The following ZNF804B variants were observed in gnomAD, a reference collection of about 807,000 sequenced individuals.
ZNF804B encodes zinc finger 804B.
In ZNF804B, 80 loss-of-function variants were observed where a neutral mutation model predicts 101.4. The observed-to-expected ratio is 0.79, with a 90% CI of 0.66 to 0.95. The LOEUF (loss-of-function observed/expected upper bound fraction) is 0.95, where lower values mean the gene tolerates loss of function less well. Among genes scored for constraint, ZNF804B ranks in the 40% least tolerant of loss-of-function variants. ZNF804B has a pLI of 0.00. For synonymous variants in ZNF804B, 622 were observed against 558.8 expected (o/e 1.11, Z -1.59); for missense variants, 1,673 against 1,561.9 (o/e 1.07, Z -1.20).
intron 1 of ZNF804B, among the ~76,000 whole-genome samples, chr7:88,999,647 AT>A (rs1788255581): frequency 6.6e-6 from 1 of 152,022 alleles, no homozygotes; most frequent in South Asian, 2.1e-4. Flanking sequence ...GTAATTTGAA[AT>A]TTAAAATAGC....
intron 2 of ZNF804B, among the ~76,000 whole-genome samples, chr7:89,228,053 G>C (rs1400542931): frequency 6.6e-6 from 1 of 152,162 alleles, no homozygotes; most frequent in Non-Finnish European, 1.5e-5. Flanking sequence ...CAAGAATGAA[G>C]CTGCAGACCC....
chr7:89,136,720 T>C (rs192461377), intron 1 of ZNF804B, among the ~76,000 whole-genome samples: 6 of 143,770 alleles, frequency 4.2e-5, no homozygotes, highest in Admixed American at 3.5e-4. Flanking sequence ...GGCTGAATTA[T>C]ATTTGTGTGT....
chr7:89,087,240 A>C (rs1369261628), intron 1 of ZNF804B, among the ~76,000 whole-genome samples: 2 of 151,902 alleles, frequency 1.3e-5, no homozygotes, highest in African/African-American at 4.8e-5. Context: ...TAAGACAAAC[A>C]GTGATCATTT....
intron 2 of ZNF804B, among the ~76,000 whole-genome samples, chr7:89,241,201 C>T (rs1382511583): frequency 6.6e-6 from 1 of 152,126 alleles, no homozygotes; most frequent in Non-Finnish European, 1.5e-5. Context: ...AAATCCCTAA[C>T]AAATAACCCT....
intron 1 of ZNF804B, chr7:88,794,980 T>C (rs1215709758): frequency 6.6e-7 from 1 of 1,505,766 alleles, no homozygotes; most frequent in Admixed American, 2.4e-5. Context: ...ATTCCAGCTT[T>C]TAGCTTATCA....
Position 89,336,766 on chromosome 7 carries a change from T to G in ZNF804B, c.3784T>G (p.Phe1262Val), listed in dbSNP as rs757282640. The change falls in exon 4 of 4, where the codon TTC becomes GTC. Residue 1262 changes from phenylalanine (F) to valine (V), a missense_variant. Phe to Val is a conservative substitution (Grantham distance 50). Coordinates refer to ENST00000333190, the MANE Select transcript of ZNF804B (RefSeq NM_181646.5). ...AACCATTATCCCTGCACACCCCACT[T>G]TCTTAGCAGGTCATCCCCTGCATTT... Reference protein sequence around the residue: ...TPTIIPAHPTFLAGHPLHLVA... With the variant: ...TPTIIPAHPTVLAGHPLHLVA... 4.3e-6 allele frequency: 7 copies of G among 1,613,990 alleles called. No individual in the cohort carries two copies. In the African/African-American group the frequency reaches 9.3e-5, roughly 22 times the overall value.
chr7:88,790,696 A>T (rs539763248), intron 1 of ZNF804B, among the ~76,000 whole-genome samples: 33 of 152,174 alleles, frequency 2.2e-4, no homozygotes, highest in South Asian at 8.3e-4. Context: ...TCTATCACTG[A>T]TGGGCATTTG....
At chr7:89,196,892 A>T (rs1271634836) in intron 1 of ZNF804B, among the ~76,000 whole-genome samples, 1 of 152,038 alleles carries the variant, frequency 6.6e-6, no homozygotes, top group Non-Finnish European at 1.5e-5. Flanking sequence ...GATCATTATA[A>T]AAATGCAGAT....
At chr7:88,962,701 A>T in intron 1 of ZNF804B, among the ~76,000 whole-genome samples, 1 of 118,636 alleles carries the variant, frequency 8.4e-6, no homozygotes, top group Admixed American at 9.7e-5. Context: ...AAATGTTGTT[A>T]AACTCACATA....
chr7:89,193,357 A>G (rs941483131), intron 1 of ZNF804B, among the ~76,000 whole-genome samples: 1 of 150,850 alleles, frequency 6.6e-6, no homozygotes, highest in African/African-American at 2.4e-5. Context: ...ACGTGTGCAC[A>G]ATGTGCAGGT....
At chr7:89,075,397 G>C (rs1298243591) in intron 1 of ZNF804B, among the ~76,000 whole-genome samples, 2 of 152,142 alleles carry the variant, frequency 1.3e-5, no homozygotes, top group African/African-American at 4.8e-5. Context: ...ATGACTAAAA[G>C]GGGCCCAGGT....
chr7:88,857,893 G>A (rs957526473), intron 1 of ZNF804B, among the ~76,000 whole-genome samples: 8 of 120,682 alleles, frequency 6.6e-5, no homozygotes, highest in African/African-American at 9.8e-5. Flanking sequence ...ACACAATCTC[G>A]GCTCACTGCA....
intron 3 of ZNF804B, 120 bp downstream of exon 3, chr7:89,327,594 G>C: frequency 1.5e-6 from 2 of 1,306,176 alleles, no homozygotes; most frequent in Non-Finnish European, 2.1e-6. Context: ...TATGTCTGAA[G>C]GGCAAATATA....
chr7:89,154,533 A>G (rs1307419161), intron 1 of ZNF804B, among the ~76,000 whole-genome samples: 2 of 152,190 alleles, frequency 1.3e-5, no homozygotes, highest in Non-Finnish European at 2.9e-5. Context: ...TCAGCCATAA[A>G]AAACAATGAG....
chr7:89,314,357 G>T (rs566555694), intron 2 of ZNF804B, among the ~76,000 whole-genome samples: 18 of 151,666 alleles, frequency 1.2e-4, no homozygotes, highest in African/African-American at 4.4e-4. Flanking sequence ...CCTTTTTTTC[G>T]ACTTCTCCTT....
chr7:89,124,092 A>G (rs1160162764), intron 1 of ZNF804B, among the ~76,000 whole-genome samples: 4 of 152,128 alleles, frequency 2.6e-5, no homozygotes, highest in Non-Finnish European at 2.9e-5. Flanking sequence ...TACCAGGAGG[A>G]TATGTCATGT....
Position 88,920,973 on chromosome 7 carries a change from A to T in ZNF804B, c.108+160889A>T, listed in dbSNP as rs575165200. ...AGTGGTATGGATAGCAAGAGTTGTG[A>T]TATCATGGAAAAGATCTGAACTAGA... On this transcript the variant is annotated intron_variant, in intron 1 of 3. Transcript: ENST00000333190. Among the ~76,000 whole-genome samples, 8 of 152,198 alleles carry T rather than the reference A, an allele frequency of 5.3e-5. No individual in the cohort carries two copies. The South Asian group carries it at 1.7e-3, about 31-fold the overall frequency.
intron 1 of ZNF804B, among the ~76,000 whole-genome samples, chr7:88,821,097 G>A (rs950955772): frequency 1.2e-4 from 19 of 152,144 alleles, no homozygotes; most frequent in Admixed American, 1.2e-3. Flanking sequence ...GCCTACAGAA[G>A]GTGGTTTAGG....
intron 1 of ZNF804B, among the ~76,000 whole-genome samples, chr7:88,921,141 G>C (rs1439993942): frequency 1.3e-5 from 2 of 152,054 alleles, no homozygotes; most frequent in Non-Finnish European, 2.9e-5. Context: ...GTGAGTGTGA[G>C]GTGGAAGGAT....
Sources: allele counts gnomAD v4.1 joint callset (sites outside exome capture counted in the v4.1 genomes callset), GRCh38; gene constraint gnomAD v4.1.1; transcripts MANE v1.5; gene names NCBI Gene and HGNC (gene_info 2026-07-23, HGNC 2026-07-21).